The following SMYD3 variants were observed in gnomAD, a reference collection of about 807,000 sequenced individuals.
SMYD3 encodes SET and MYND domain containing 3.
A neutral mutation model predicts 57.7 loss-of-function variants in SMYD3; 36 were observed. That is an observed-to-expected ratio of 0.62 (90% CI 0.48 to 0.82). The LOEUF is 0.82. Among genes scored for constraint, SMYD3 ranks in the 40% least tolerant of loss-of-function variants. The pLI, the probability that SMYD3 is intolerant of heterozygous loss-of-function variation, is 0.00. For missense variants in SMYD3, 515 were observed against 538.8 expected (o/e 0.96, Z 0.44); for synonymous variants, 211 against 195.0 (o/e 1.08, Z -0.68).
At chr1:246,410,572 C>T (rs1305911724) in intron 1 of SMYD3, among the ~76,000 whole-genome samples, 4 of 152,124 alleles carry the variant, frequency 2.6e-5, no homozygotes, top group Admixed American at 6.6e-5. Context: ...ATTCAGTTTG[C>T]CAGTATTTTA....
chr1:246,407,329 C>T (rs2066882956), intron 1 of SMYD3, among the ~76,000 whole-genome samples: 1 of 152,154 alleles, frequency 6.6e-6, no homozygotes, highest in Non-Finnish European at 1.5e-5. Context: ...TCTTCAAAAC[C>T]TTAGCAGGAG....
chr1:246,383,648 C>G (rs2066425002), intron 1 of SMYD3, among the ~76,000 whole-genome samples: 1 of 152,162 alleles, frequency 6.6e-6, no homozygotes, highest in Non-Finnish European at 1.5e-5. Flanking sequence ...TGTTATGATG[C>G]TTTTTGGAAG....
At chr1:246,457,543 A>AC (rs2067718878) in intron 1 of SMYD3, among the ~76,000 whole-genome samples, 1 of 95,488 alleles carries the variant, frequency 1.0e-5, no homozygotes, top group African/African-American at 3.6e-5. Flanking sequence ...AAAAAAAAAA[A>AC]AAAAAGAAAA....
chr1:246,140,350 G>A lies in SMYD3; in HGVS notation c.531+186851C>T, dbSNP rs1487712318. On this transcript the variant is annotated intron_variant, in intron 5 of 11. Coordinates refer to ENST00000490107, the MANE Select transcript of SMYD3 (RefSeq NM_001167740.2). ...TATTAGTGGTATTCATCTTGTACAC[G>A]TATTCTTTGGGACTAAGAAAAAATG... 5.9e-5 allele frequency among the ~76,000 whole-genome samples: 9 copies of A among 152,248 alleles called. No individual in the cohort carries two copies. In the South Asian group the frequency reaches 6.2e-4, roughly 11 times the overall value.
chr1:246,007,260 T>G (rs1236612513), intron 5 of SMYD3, among the ~76,000 whole-genome samples: 1 of 152,090 alleles, frequency 6.6e-6, no homozygotes, highest in Non-Finnish European at 1.5e-5. Context: ...TTTGGCCTTG[T>G]GGGAGGTTTC....
chr1:246,164,151 A>G (rs2062165213), intron 5 of SMYD3, among the ~76,000 whole-genome samples: 1 of 152,184 alleles, frequency 6.6e-6, no homozygotes, highest in African/African-American at 2.4e-5. Context: ...GGTGAGAGAA[A>G]ACGAGCTATA....
intron 5 of SMYD3, among the ~76,000 whole-genome samples, chr1:246,277,028 A>C (rs2064348425): frequency 6.6e-6 from 1 of 152,252 alleles, no homozygotes; most frequent in Non-Finnish European, 1.5e-5. Flanking sequence ...CTAATCTCAT[A>C]TGTCTAATAT....
chr1:246,133,484 G>A (rs1031185392), intron 5 of SMYD3, among the ~76,000 whole-genome samples: 2 of 152,038 alleles, frequency 1.3e-5, no homozygotes, highest in African/African-American at 4.8e-5. Flanking sequence ...ATTATCTAAT[G>A]ATAGTATCTC....
chr1:246,445,875 A>T (rs1016720807), intron 1 of SMYD3, among the ~76,000 whole-genome samples: 4 of 152,140 alleles, frequency 2.6e-5, no homozygotes, highest in Admixed American at 6.5e-5. Flanking sequence ...ACAAAAAAAA[A>T]ACCTGGGAAT....
chr1:246,140,234 C>T (rs1405254887), intron 5 of SMYD3, among the ~76,000 whole-genome samples: 2 of 152,146 alleles, frequency 1.3e-5, no homozygotes, highest in Non-Finnish European at 1.5e-5. Context: ...GGATCAGGAC[C>T]TTTCGCTTCA....
At chr1:246,277,196 CA>C (rs536416539) in intron 5 of SMYD3, among the ~76,000 whole-genome samples, 88 of 141,568 alleles carry the variant, frequency 6.2e-4, no homozygotes, top group South Asian at 6.7e-4. Context: ...AACCTTGTTT[CA>C]AAAAAAAAAA....
At chr1:245,985,438 CTTTA>C (rs1024783281) in intron 5 of SMYD3, among the ~76,000 whole-genome samples, 2 of 152,146 alleles carry the variant, frequency 1.3e-5, no homozygotes. Context: ...GTTCCCCTTC[CTTTA>C]TTTTTTACCT....
At chr1:245,950,148 A>T (rs966273736) in intron 5 of SMYD3, among the ~76,000 whole-genome samples, 1 of 152,268 alleles carries the variant, frequency 6.6e-6, no homozygotes, top group East Asian at 1.9e-4. Flanking sequence ...GGTTCCAAAG[A>T]AAAAGAAATT....
chr1:246,181,710 T>C (rs1364606055), intron 5 of SMYD3, among the ~76,000 whole-genome samples: 1 of 152,200 alleles, frequency 6.6e-6, no homozygotes, highest in Non-Finnish European at 1.5e-5. Context: ...ATCTAGTCCT[T>C]AAGATGCGTT....
At chr1:246,009,493 C>G (rs763191763) in intron 5 of SMYD3, among the ~76,000 whole-genome samples, 35 of 152,124 alleles carry the variant, frequency 2.3e-4, no homozygotes, top group South Asian at 4.1e-4. Context: ...GACTTGATTA[C>G]TTTGTAACAT....
intron 1 of SMYD3, among the ~76,000 whole-genome samples, chr1:246,484,021 C>T (rs7540483): frequency 0.68 from 73,086 of 107,846 alleles, 26,918 homozygotes; most frequent in East Asian, 0.79. Context: ...ATACCTAAAC[C>T]ATTGCACTAG....
chr1:246,000,459 G>A (rs2059018796), intron 5 of SMYD3, among the ~76,000 whole-genome samples: 1 of 152,196 alleles, frequency 6.6e-6, no homozygotes, highest in Admixed American at 6.5e-5. Context: ...AGAAAGGGCT[G>A]TGGTCTGCAG....
intron 8 of SMYD3, among the ~76,000 whole-genome samples, chr1:245,869,600 C>T (rs936610041): frequency 3.3e-5 from 5 of 152,160 alleles, no homozygotes; most frequent in African/African-American, 7.2e-5. Flanking sequence ...AGAACTGTGC[C>T]GTTGTTCTCA....
At chr1:245,879,747 G>C (rs2052675679) in intron 8 of SMYD3, among the ~76,000 whole-genome samples, 2 of 152,252 alleles carry the variant, frequency 1.3e-5, no homozygotes, top group Admixed American at 1.3e-4. Flanking sequence ...AGAACTGAGA[G>C]AAAGGGAATG....
Sources: gnomAD v4.1 joint callset for allele counts (sites outside exome capture counted in the v4.1 genomes callset) on GRCh38, gnomAD v4.1.1 for gene constraint, MANE v1.5 for transcripts, NCBI Gene and HGNC (gene_info 2026-07-23, HGNC 2026-07-21) for gene names.